GMDS: variants seen among roughly 807,000 people sequenced by gnomAD.
GMDS encodes GDP-mannose 4,6 dehydratase.
GMDS carries 20 observed loss-of-function variants against 49.9 expected under a neutral mutation model. The ratio of observed to expected loss-of-function variants is 0.40; its 90% confidence interval spans 0.28 to 0.58. The LOEUF (loss-of-function observed/expected upper bound fraction) is 0.58, where lower values mean the gene tolerates loss of function less well. Among genes scored for constraint, GMDS ranks in the 20% least tolerant of loss-of-function variants. GMDS has a pLI of 0.42. For missense variants in GMDS, 362 were observed against 481.4 expected (o/e 0.75, Z 2.32); for synonymous variants, 177 against 178.6 (o/e 0.99, Z 0.07).
At chr6:2,119,148 C>T (rs1014947782) in intron 2 of GMDS, among the ~76,000 whole-genome samples, 7 of 152,074 alleles carry the variant, frequency 4.6e-5, no homozygotes, top group African/African-American at 7.2e-5. Context: ...AGTGTTATTT[C>T]GGCTATCTTC....
intron 4 of GMDS, among the ~76,000 whole-genome samples, chr6:1,981,006 A>G (rs1765191824): frequency 6.6e-6 from 1 of 152,222 alleles, no homozygotes. Context: ...GAACAAAGAG[A>G]CAACATACCA....
intron 7 of GMDS, among the ~76,000 whole-genome samples, chr6:1,810,603 A>G (rs1344324013): frequency 1.3e-5 from 2 of 152,060 alleles, no homozygotes; most frequent in African/African-American, 4.8e-5. Context: ...GTTTTATGGC[A>G]GGGGGAGCAG....
chr6:1,709,181 G>A (rs1488848126), intron 9 of GMDS, among the ~76,000 whole-genome samples: 1 of 152,236 alleles, frequency 6.6e-6, no homozygotes, highest in African/African-American at 2.4e-5. Context: ...GAAAAGGCAG[G>A]AGACAGTGTC....
chr6:1,882,365 G>A (rs774912584), intron 7 of GMDS, among the ~76,000 whole-genome samples: 5 of 152,180 alleles, frequency 3.3e-5, no homozygotes, highest in Non-Finnish European at 7.3e-5. Context: ...CAGTTTAGTT[G>A]AGCATGCACA....
chr6:2,210,409 TGTTAACTACCAA>T (rs1183915473), intron 1 of GMDS, among the ~76,000 whole-genome samples: 5 of 152,246 alleles, frequency 3.3e-5, no homozygotes, highest in Non-Finnish European at 2.9e-5. Context: ...GGTCAGGGTT[TGTTAACTACCAA>T]GTTATCTAAC....
At chr6:2,070,738 C>T (rs1482582448) in intron 4 of GMDS, among the ~76,000 whole-genome samples, 3 of 152,138 alleles carry the variant, frequency 2.0e-5, no homozygotes, top group African/African-American at 7.2e-5. Context: ...GACGTCCTCA[C>T]CCATGGCTCC....
intron 6 of GMDS, among the ~76,000 whole-genome samples, chr6:1,949,394 G>A (rs1046519532): frequency 1.3e-5 from 2 of 152,158 alleles, no homozygotes; most frequent in Non-Finnish European, 2.9e-5. Context: ...AGGGAACTGT[G>A]CTACATGTCA....
chr6:1,669,603 C>T (rs948902300), intron 9 of GMDS, among the ~76,000 whole-genome samples: 5 of 152,104 alleles, frequency 3.3e-5, no homozygotes, highest in East Asian at 1.9e-4. Context: ...TGTGTTCAAA[C>T]AGGGGCTTGG....
At chr6:1,987,871 T>A (rs1292581613) in intron 4 of GMDS, among the ~76,000 whole-genome samples, 1 of 152,206 alleles carries the variant, frequency 6.6e-6, no homozygotes, top group Non-Finnish European at 1.5e-5. Flanking sequence ...ATGACAAGTC[T>A]GTGAGTCAGG....
intron 7 of GMDS, among the ~76,000 whole-genome samples, chr6:1,791,428 G>C (rs1363523156): frequency 6.6e-6 from 1 of 152,134 alleles, no homozygotes; most frequent in East Asian, 1.9e-4. Context: ...GTGGTGGGCT[G>C]GGGGAGAGCT....
chr6:1,990,225 G>A (rs769515868), intron 4 of GMDS, among the ~76,000 whole-genome samples: 1 of 152,178 alleles, frequency 6.6e-6, no homozygotes, highest in Admixed American at 6.5e-5. Context: ...GAACCCGGGA[G>A]GCGGAGTTTG....
intron 7 of GMDS, among the ~76,000 whole-genome samples, chr6:1,920,191 G>A (rs1761646102): frequency 6.6e-6 from 1 of 152,174 alleles, no homozygotes; most frequent in Non-Finnish European, 1.5e-5. Context: ...GGATACAAAG[G>A]CAAGATTAAC....
intron 4 of GMDS, among the ~76,000 whole-genome samples, chr6:2,075,060 T>C (rs531360762): frequency 1.3e-5 from 2 of 152,218 alleles, no homozygotes; most frequent in Non-Finnish European, 2.9e-5. Context: ...AAATATATTT[T>C]GAGGTCAGAG....
At chr6:1,651,357 T>C (rs528220694) in intron 9 of GMDS, among the ~76,000 whole-genome samples, 53 of 152,284 alleles carry the variant, frequency 3.5e-4, no homozygotes, top group Non-Finnish European at 6.6e-4. Flanking sequence ...ACAGGAATAG[T>C]TCTGTGCACA....
intron 9 of GMDS, among the ~76,000 whole-genome samples, chr6:1,681,940 C>T (rs1320680778): frequency 6.6e-6 from 1 of 152,030 alleles, no homozygotes; most frequent in Non-Finnish European, 1.5e-5. Flanking sequence ...AGTGATTCAT[C>T]TGCCTTCGCC....
intron 7 of GMDS, among the ~76,000 whole-genome samples, chr6:1,804,309 C>T (rs941410657): frequency 2.0e-5 from 3 of 152,256 alleles, no homozygotes; most frequent in Non-Finnish European, 2.9e-5. Context: ...CAGCTTGGTT[C>T]TAAAGAGGCC....
intron 7 of GMDS, among the ~76,000 whole-genome samples, chr6:1,783,863 A>G (rs1769207556): frequency 6.6e-6 from 1 of 152,142 alleles, no homozygotes; most frequent in Non-Finnish European, 1.5e-5. Context: ...GACAGAAACA[A>G]CATTGCGATG....
At chr6:1,876,925 A>G (rs922296342) in intron 7 of GMDS, among the ~76,000 whole-genome samples, 57 of 152,324 alleles carry the variant, frequency 3.7e-4, no homozygotes, top group African/African-American at 1.3e-3. Flanking sequence ...ATGCCCTGAG[A>G]ACAGTTATGG....
At chr6:2,104,409 AGTTT>A (rs1774104240) in intron 4 of GMDS, among the ~76,000 whole-genome samples, 1 of 152,246 alleles carries the variant, frequency 6.6e-6, no homozygotes, top group Admixed American at 6.5e-5. Flanking sequence ...TGATGGAGTC[AGTTT>A]GTACTGTCAC....
Sources: allele counts gnomAD v4.1 joint callset (sites outside exome capture counted in the v4.1 genomes callset), GRCh38; gene constraint gnomAD v4.1.1; transcripts MANE v1.5; gene names NCBI Gene and HGNC (gene_info 2026-07-23, HGNC 2026-07-21).